AGTPBP1: variants seen among roughly 807,000 people sequenced by gnomAD.
The protein encoded by AGTPBP1 is cytosolic carboxypeptidase 1.
Under a neutral mutation model 143.9 loss-of-function variants are expected in AGTPBP1, and 70 were observed. The observed-to-expected ratio is 0.49, with a 90% CI of 0.40 to 0.59. AGTPBP1 has a LOEUF of 0.59. Among genes scored for constraint, AGTPBP1 ranks in the 20% least tolerant of loss-of-function variants. The pLI is 0.00. For synonymous variants in AGTPBP1, 463 were observed against 500.2 expected, an observed-to-expected ratio of 0.93 and a Z score of 0.99; for missense variants, 1,229 against 1,464.5, an observed-to-expected ratio of 0.84 and a Z score of 2.62.
the AGTPBP1 span, among the ~76,000 whole-genome samples, chr9:85,752,915 T>C: frequency 6.6e-6 from 1 of 152,112 alleles, no homozygotes; most frequent in Non-Finnish European, 1.5e-5. Context: ...CTTGGGAGGC[T>C]GAGGTGAGAG....
intron 12 of AGTPBP1, among the ~76,000 whole-genome samples, chr9:85,644,757 A>G (rs1267348036): frequency 6.6e-6 from 1 of 152,116 alleles, no homozygotes; most frequent in Non-Finnish European, 1.5e-5. Context: ...ATGGAATCAC[A>G]GGAAAAAAAG....
intron 25 of AGTPBP1, among the ~76,000 whole-genome samples, chr9:85,574,378 T>C (rs1208552693): frequency 6.6e-6 from 1 of 151,920 alleles, no homozygotes; most frequent in East Asian, 1.9e-4. Flanking sequence ...GAAACCCTTG[T>C]TCACTTGTTT....
chr9:85,726,243 C>CA (rs1402314422), intron 1 of AGTPBP1, among the ~76,000 whole-genome samples: 1 of 137,768 alleles, frequency 7.3e-6, no homozygotes, highest in African/African-American at 2.6e-5. Flanking sequence ...AAAAAAAAAA[C>CA]AAAAAACAAA....
intron 12 of AGTPBP1, among the ~76,000 whole-genome samples, chr9:85,645,694 A>T (rs1254708150): frequency 6.8e-6 from 1 of 147,064 alleles, no homozygotes; most frequent in Non-Finnish European, 1.5e-5. Flanking sequence ...CTAAACAGCT[A>T]AAAAAAGAGA....
At chr9:85,730,723 G>T (rs972104302) in intron 1 of AGTPBP1, among the ~76,000 whole-genome samples, 5 of 152,152 alleles carry the variant, frequency 3.3e-5, no homozygotes, top group Admixed American at 2.0e-4. Context: ...TCATCTGGAA[G>T]ATGGAAACGC....
intron 3 of AGTPBP1, among the ~76,000 whole-genome samples, chr9:85,686,849 G>C (rs961385786): frequency 6.6e-6 from 1 of 152,044 alleles, no homozygotes; most frequent in Non-Finnish European, 1.5e-5. Context: ...AGAATGAGAA[G>C]AATGTAAAAG....
intron 13 of AGTPBP1, 104 bp from the exon 14 acceptor site, chr9:85,633,478 T>C: frequency 3.4e-6 from 3 of 875,644 alleles, no homozygotes; most frequent in Non-Finnish European, 3.2e-6. Context: ...TTTTTGGAAA[T>C]TTTAAAGATG....
chr9:85,579,811 CT>C (rs748386155), intron 23 of AGTPBP1, among the ~76,000 whole-genome samples: 18 of 149,434 alleles, frequency 1.2e-4, no homozygotes, highest in Non-Finnish European at 1.8e-4. Flanking sequence ...AATATTGGCA[CT>C]ACTAGATAGT....
the AGTPBP1 span, among the ~76,000 whole-genome samples, chr9:85,774,663 TG>T: frequency 6.6e-6 from 1 of 152,200 alleles, no homozygotes; most frequent in Admixed American, 6.5e-5. Flanking sequence ...GCAAAATCAT[TG>T]TTAGGTGATA....
chr9:85,599,091 G>C (rs1012809546), intron 17 of AGTPBP1, among the ~76,000 whole-genome samples: 1 of 145,744 alleles, frequency 6.9e-6, no homozygotes, highest in African/African-American at 2.6e-5. Flanking sequence ...TCGTCCATTC[G>C]TTTTCAACCT....
Position 85,690,095 on chromosome 9 carries a change from C to A in AGTPBP1, c.157+2594G>T, listed in dbSNP as rs545520059. ...GAGTACCCTCTCCCCGTGCCTTCAA[C>A]AGCACCAGACATTGTCATTCTAATT... is the stretch of plus-strand genomic sequence containing the variant. On this transcript the variant is annotated intron_variant, in intron 3 of 25. Coordinates refer to ENST00000357081, the MANE Select transcript of AGTPBP1 (RefSeq NM_001330701.2). Among the ~76,000 whole-genome samples, 118 of 152,006 alleles carry A rather than the reference C, an allele frequency of 7.8e-4. 1 individual carries two copies. In the Middle Eastern group the frequency reaches 0.017, roughly 22 times the overall value.
rs371388579 is a variant in AGTPBP1, at chr9:85,547,104, C to T, written c.*5G>A. 2.6e-5 allele frequency: 41 copies of T among 1,586,776 alleles called. No individual in the cohort carries two copies. Among genetic ancestry groups the T allele is most frequent in the South Asian group, 9.3e-5 (8 of 86,264 alleles). ...CTTTGCAGTTAACAAGAGATGGCAG[C>T]GGGCTCAAGGTAGGTATGTTCTTGA... On this transcript the variant is annotated 3_prime_UTR_variant, in exon 26 of 26. Coordinates refer to ENST00000357081, the MANE Select transcript of AGTPBP1 (RefSeq NM_001330701.2).
At chr9:85,788,956 G>T in the AGTPBP1 span, among the ~76,000 whole-genome samples, 1 of 151,734 alleles carries the variant, frequency 6.6e-6, no homozygotes, top group Non-Finnish European at 1.5e-5. Flanking sequence ...ATTCATTTGA[G>T]AATGTATTCT....
the AGTPBP1 span, among the ~76,000 whole-genome samples, chr9:85,796,212 G>GT: frequency 6.6e-6 from 1 of 152,138 alleles, no homozygotes; most frequent in Admixed American, 6.6e-5. Context: ...TACCGCAAGA[G>GT]TGATTCCACA....
At chr9:85,747,422 A>G in the AGTPBP1 span, among the ~76,000 whole-genome samples, 17 of 152,292 alleles carry the variant, frequency 1.1e-4, no homozygotes, top group African/African-American at 3.8e-4. Context: ...AGGCCATTGG[A>G]ATTTTGATAA....
intron 8 of AGTPBP1, among the ~76,000 whole-genome samples, chr9:85,666,364 CA>C (rs1345676659): frequency 6.6e-6 from 1 of 152,080 alleles, no homozygotes; most frequent in Non-Finnish European, 1.5e-5. Flanking sequence ...ATCGTCTTCC[CA>C]TTAAATGTGG....
intron 5 of AGTPBP1, among the ~76,000 whole-genome samples, chr9:85,678,016 C>T: frequency 6.6e-6 from 1 of 151,980 alleles, no homozygotes; most frequent in South Asian, 2.1e-4. Context: ...ATCAATCAAT[C>T]AATAATATCA....
At chr9:85,632,256 T>C (rs1831727793) in intron 14 of AGTPBP1, among the ~76,000 whole-genome samples, 1 of 152,196 alleles carries the variant, frequency 6.6e-6, no homozygotes, top group African/African-American at 2.4e-5. Flanking sequence ...CTGTTGATTG[T>C]AGTTGCCCTG....
At chr9:85,587,088 G>C in intron 21 of AGTPBP1, 128 bp from the exon 22 acceptor site, 1 of 1,151,132 alleles carries the variant, frequency 8.7e-7, no homozygotes, top group Admixed American at 2.5e-5. Flanking sequence ...TTTCAAATAG[G>C]TATAGATGGT....
Sources: gnomAD v4.1 joint callset for allele counts (sites outside exome capture counted in the v4.1 genomes callset) on GRCh38, gnomAD v4.1.1 for gene constraint, MANE v1.5 for transcripts, NCBI Gene and HGNC (gene_info 2026-07-23, HGNC 2026-07-21) for gene names.